The following SEC31A variants were observed in gnomAD, a reference collection of about 807,000 sequenced individuals.
SEC31A encodes SEC31 homolog A, COPII component.
In SEC31A, 70 loss-of-function variants were observed where a neutral mutation model predicts 151.0. The observed-to-expected ratio is 0.46, with a 90% confidence interval of 0.38 to 0.57. The LOEUF is 0.57. SEC31A is among the 20% of genes least tolerant of loss of function. The pLI is 0.00. For missense variants in SEC31A, 1,330 were observed against 1,471.2 expected (o/e 0.90, Z 1.57); for synonymous variants, 475 against 505.9 (o/e 0.94, Z 0.82).
exon 1 of SEC31A, chr4:82,900,446 G>T: frequency 3.7e-6 from 1 of 268,358 alleles, no homozygotes. Flanking sequence ...TTTCAGGCTT[G>T]GCCTCACAAG....
At chr4:82,830,258 C>T (rs190146722) in intron 22 of SEC31A, among the ~76,000 whole-genome samples, 75 of 152,218 alleles carry the variant, frequency 4.9e-4, no homozygotes, top group Non-Finnish European at 8.5e-4. Context: ...GTCAGGAGTT[C>T]GAGACCAGCC....
chr4:82,827,758 A>G, intron 23 of SEC31A, 126 bp from the exon 24 acceptor site: 1 of 857,562 alleles, frequency 1.2e-6, no homozygotes, highest in African/African-American at 1.7e-5. Context: ...GTAGTAGAAT[A>G]CTTTTTTCAA....
chr4:82,836,372 CAAAAAAAA>C (rs70943158), intron 22 of SEC31A, among the ~76,000 whole-genome samples: 3 of 62,118 alleles, frequency 4.8e-5, no homozygotes, highest in Non-Finnish European at 1.0e-4. Context: ...GACTCCATCT[CAAAAAAAA>C]AAAAAAAAAA....
chr4:82,899,717 A>G (rs1374371629), exon 3 of SEC31A: 4 of 152,700 alleles, frequency 2.6e-5, no homozygotes, highest in Non-Finnish European at 5.9e-5. Context: ...TAATACCTTA[A>G]TATGTATCTT....
rs373072201 is a variant in SEC31A, at chr4:82,857,150, C to T, written c.1703-20G>A. The T allele has an allele frequency of 1.2e-6, 2 of 1,601,874 alleles. No individual in the cohort carries two copies. Among genetic ancestry groups the T allele is most frequent in the African/African-American group, 1.3e-5 (1 of 74,206 alleles). ...CAATGTCTGCAACAAGAAAATAATA[C>T]ATCCAAGTTAAATAGAGTTTTTGTT... is the stretch of plus-strand genomic sequence containing the variant. On this transcript the variant is annotated intron_variant, in intron 15 of 26. Coordinates refer to ENST00000395310, the MANE Select transcript of SEC31A (RefSeq NM_001077207.4).
At chr4:82,838,456 AC>A (rs762834766) in intron 22 of SEC31A, among the ~76,000 whole-genome samples, 2 of 152,092 alleles carry the variant, frequency 1.3e-5, no homozygotes, top group Non-Finnish European at 2.9e-5. Flanking sequence ...ACCATCTCCT[AC>A]CTAGAACTAG....
At chr4:82,827,220 A>C in intron 24 of SEC31A, 149 bp downstream of exon 24, 2 of 823,382 alleles carry the variant, frequency 2.4e-6, no homozygotes, top group Non-Finnish European at 1.9e-6. Flanking sequence ...ATATACATAC[A>C]TGATCGATCT....
At chr4:82,849,124 T>C (rs984172280) in intron 19 of SEC31A, 147 bp from the exon 20 acceptor site, 7 of 714,736 alleles carry the variant, frequency 9.8e-6, no homozygotes, top group Non-Finnish European at 1.4e-5. Context: ...ACACACAGAT[T>C]TGACATTGTG....
At position 82,871,954 on chromosome 4, in the gene SEC31A, T is replaced by C; in HGVS notation, c.772A>G (p.Asn258Asp). Residue 258 changes from asparagine (N) to aspartate (D), a missense_variant, in exon 7 of 27, where the codon AAC (asparagine) becomes GAC (aspartate). Coordinates refer to ENST00000395310, the MANE Select transcript of SEC31A (RefSeq NM_001077207.4). ...ACAGCAGCACGATACCTGGCATGGT[T>C]TTCCAGGACACGAAGTGGAGAGGAA... ...FASSPLRVLENHARGILAIAW... is the reference protein window; with the variant it reads ...FASSPLRVLEDHARGILAIAW... 1.2e-6 allele frequency: 2 copies of C among 1,614,146 alleles called. No individual in the cohort carries two copies. Among genetic ancestry groups the C allele is most frequent in the Non-Finnish European group, 1.7e-6 (2 of 1,180,012 alleles).
rs1228485256 is a variant in SEC31A at position 82,821,095 on chromosome 4, T to C, written c.3425A>G (p.Lys1142Arg). The change falls in exon 26 of 27, where the codon AAG (lysine) becomes AGG (arginine). Residue 1142 changes from lysine to arginine, a missense_variant. Physicochemically the swap from Lys to Arg is conservative, Grantham distance 26. Transcript: ENST00000395310. ...CAAACGTTTGCTGGCATCATCTAGC[T>C]TCCTCTTGGTTTGCTGCAGGAAAGA... ...SSATDPQTKRKLDDASKRLEF... is the reference protein window; with the variant it reads ...SSATDPQTKRRLDDASKRLEF... 1 of 1,613,736 alleles carries C rather than the reference T, an allele frequency of 6.2e-7. No homozygotes were observed. The highest frequency in any genetic ancestry group is 8.5e-7 in the Non-Finnish European group (1 of 1,179,768).
chr4:82,845,239 G>A (rs964396065), intron 20 of SEC31A: 3 of 1,535,168 alleles, frequency 2.0e-6, no homozygotes, highest in Non-Finnish European at 2.6e-6. Flanking sequence ...GGATGGCTGG[G>A]AAGGGCAGTA....
At chr4:82,859,461 C>T (rs555823262) in intron 14 of SEC31A, among the ~76,000 whole-genome samples, 60 of 151,974 alleles carry the variant, frequency 3.9e-4, no homozygotes, top group Non-Finnish European at 7.9e-4. Flanking sequence ...TAAAGAAAAA[C>T]AAAGCTTTCT....
intron 6 of SEC31A, 139 bp from the exon 7 acceptor site, chr4:82,872,225 T>A: frequency 1.4e-6 from 1 of 699,678 alleles, no homozygotes; most frequent in Non-Finnish European, 2.4e-6. Context: ...CTATTTATTG[T>A]CAGCCAGGCT....
intron 16 of SEC31A, 110 bp downstream of exon 16, chr4:82,856,842 C>G: frequency 1.1e-6 from 1 of 902,462 alleles, no homozygotes; most frequent in Non-Finnish European, 1.6e-6. Flanking sequence ...TATGAATGAG[C>G]TTTTAAAATT....
chr4:82,872,238 A>C (rs1736857196), intron 6 of SEC31A, 152 bp from the exon 7 acceptor site: 8 of 659,220 alleles, frequency 1.2e-5, no homozygotes, highest in South Asian at 3.8e-5. Context: ...GCCAGGCTGG[A>C]GTGCAGTAGC....
In SEC31A at chr4:82,871,933, C is replaced by G. The variant is rs752467413; in HGVS notation, c.782+11G>C. On this transcript the variant is annotated intron_variant, in intron 7 of 26. Transcript: ENST00000395310. Reference sequence around the variant, plus strand: ...AAACAAATCAAGTTCTTTGTAACAGCAGCACGATACCTGGCATGGTTTTCC... The same window carrying G: ...AAACAAATCAAGTTCTTTGTAACAGGAGCACGATACCTGGCATGGTTTTCC... The G allele has an allele frequency of 2.5e-6, 4 of 1,614,018 alleles. No individual in the cohort carries two copies. In the Admixed American group the frequency reaches 6.7e-5, roughly 27 times the overall value.
chr4:82,842,264 G>C lies in SEC31A; in HGVS notation c.2844C>G (p.Ser948=), dbSNP rs758081777. The stretch of plus-strand genomic sequence containing the variant: ...CGCCATGCTGGAAGGATGCTCCAGA[G>C]GAAGGGGGAGGAGGGAAAGAAGTAG... ...SPATSFPPPP[S]SGASFQHGGP... is the part of the protein sequence containing the mutation. Residue 948 remains serine (S), a synonymous_variant, in exon 22 of 27, where the codon TCC becomes TCG. Coordinates refer to ENST00000395310, the MANE Select transcript of SEC31A (RefSeq NM_001077207.4). 166 of 1,613,960 alleles carry C rather than the reference G, an allele frequency of 1.0e-4. No individual in the cohort carries two copies. Among genetic ancestry groups the C allele is most frequent in the Admixed American group, 1.3e-4 (8 of 60,000 alleles).
rs1044969754 is a variant in SEC31A at position 82,875,695 on chromosome 4, G to T, written c.498+32C>A. Reference sequence around the variant, plus strand: ...TAGGAGAACTACTTTTGGCTTTTTTGATTACAATGATCAAAATCAATATAA... The same window carrying T: ...TAGGAGAACTACTTTTGGCTTTTTTTATTACAATGATCAAAATCAATATAA... On this transcript the variant is annotated intron_variant, in intron 5 of 26. Transcript: ENST00000395310. 2.9e-6 allele frequency: 4 copies of T among 1,363,926 alleles called. No individual in the cohort carries two copies. In the South Asian group the frequency reaches 3.8e-5, roughly 13 times the overall value. 84.5% of individuals were successfully genotyped at this position (1,363,926 alleles called of 1,614,324 possible). A position where few individuals can be genotyped will look rare whatever the true frequency, so the allele number is the denominator to read the frequency against.
At chr4:82,860,098 CTTTTTTT>C (rs1237292954) in intron 14 of SEC31A, among the ~76,000 whole-genome samples, 4 of 151,484 alleles carry the variant, frequency 2.6e-5, no homozygotes, top group Non-Finnish European at 4.4e-5. Flanking sequence ...GGCCACTTTT[CTTTTTTT>C]TAACTCATTA....
Sources: allele counts gnomAD v4.1 joint callset (sites outside exome capture counted in the v4.1 genomes callset), GRCh38; gene constraint gnomAD v4.1.1; transcripts MANE v1.5; gene names NCBI Gene and HGNC (gene_info 2026-07-23, HGNC 2026-07-21).